SUGCT: variants seen among roughly 807,000 people sequenced by gnomAD.
SUGCT encodes the protein succinyl-CoA:glutarate CoA-transferase.
In SUGCT, 41 loss-of-function variants were observed where a neutral mutation model predicts 55.0. The ratio of observed to expected loss-of-function variants is 0.74; its 90% CI spans 0.58 to 0.97. The LOEUF is 0.97. Among genes scored for constraint, SUGCT ranks in the 50% least tolerant of loss-of-function variants. The pLI is 0.00. For synonymous variants in SUGCT, 187 were observed against 200.4 expected, an observed-to-expected ratio of 0.93 and a Z score of 0.56; for missense variants, 568 against 547.8, an observed-to-expected ratio of 1.04 and a Z score of -0.37.
chr7:40,784,087 A>G (rs1297034555), intron 13 of SUGCT, among the ~76,000 whole-genome samples: 3 of 152,120 alleles, frequency 2.0e-5, no homozygotes, highest in African/African-American at 7.2e-5. Flanking sequence ...GGATCTTTCT[A>G]TCCCTGAGTA....
At chr7:40,641,722 C>T (rs1800277692) in intron 12 of SUGCT, among the ~76,000 whole-genome samples, 1 of 152,170 alleles carries the variant, frequency 6.6e-6, no homozygotes, top group Non-Finnish European at 1.5e-5. Flanking sequence ...TAAAGGTTTC[C>T]CCTTTATCAT....
the SUGCT span, among the ~76,000 whole-genome samples, chr7:41,037,499 C>T: frequency 4.1e-5 from 6 of 147,816 alleles, no homozygotes; most frequent in African/African-American, 1.5e-4. Context: ...TCCATGTGCT[C>T]AGCCTTTTTT....
chr7:40,475,085 A>G lies in SUGCT; in HGVS notation c.986+15887A>G, dbSNP rs556233800. 2.0e-3 allele frequency among the ~76,000 whole-genome samples: 311 copies of G among 152,316 alleles called. 1 individual carries two copies. The highest frequency in any genetic ancestry group is 7.2e-3 in the African/African-American group (299 of 41,586). ...ACTTGCATTGGGTGCCCATTACTAA[A>G]TCACCTTTTAAACAAAACCTTAGCA... is the stretch of plus-strand genomic sequence containing the variant. On this transcript the variant is annotated intron_variant, in intron 11 of 13. Transcript: ENST00000335693.
chr7:40,993,220 T>C, the SUGCT span, among the ~76,000 whole-genome samples: 77 of 152,268 alleles, frequency 5.1e-4, no homozygotes, highest in Middle Eastern at 0.01. Flanking sequence ...ATCACCCTTA[T>C]TTTTATTCCT....
chr7:40,828,877 C>T (rs913372964), intron 13 of SUGCT, among the ~76,000 whole-genome samples: 3 of 152,056 alleles, frequency 2.0e-5, no homozygotes, highest in East Asian at 1.9e-4. Context: ...GAAAAAGAAG[C>T]GGTTTGGACC....
intron 13 of SUGCT, among the ~76,000 whole-genome samples, chr7:40,836,986 C>T (rs527304404): frequency 6.6e-6 from 1 of 152,098 alleles, no homozygotes; most frequent in African/African-American, 2.4e-5. Flanking sequence ...ATAGTCAATG[C>T]CTGTATATTT....
intron 9 of SUGCT, chr7:40,388,270 C>A (rs572351082): frequency 6.6e-6 from 1 of 152,228 alleles, no homozygotes; most frequent in South Asian, 2.1e-4. Flanking sequence ...TTTAGTGAAG[C>A]AAGCTACTGG....
At chr7:40,266,185 C>CCTT (rs1791562263) in intron 7 of SUGCT, among the ~76,000 whole-genome samples, 1 of 116,824 alleles carries the variant, frequency 8.6e-6, no homozygotes, top group Non-Finnish European at 1.7e-5. Context: ...CTTTCCTTTC[C>CCTT]TTTTTTTTTT....
chr7:40,382,279 AAT>A (rs1384180715), intron 9 of SUGCT, among the ~76,000 whole-genome samples: 1 of 152,064 alleles, frequency 6.6e-6, no homozygotes, highest in African/African-American at 2.4e-5. Context: ...TCAGGAATAG[AAT>A]TTTATTGCTT....
intron 9 of SUGCT, among the ~76,000 whole-genome samples, chr7:40,443,388 T>C (rs1788626425): frequency 6.6e-6 from 1 of 152,184 alleles, no homozygotes; most frequent in Non-Finnish European, 1.5e-5. Context: ...GCACCTGTTG[T>C]TTCCTAACTT....
the SUGCT span, among the ~76,000 whole-genome samples, chr7:40,999,340 G>A: frequency 4.6e-5 from 7 of 151,966 alleles, no homozygotes; most frequent in African/African-American, 1.7e-4. Flanking sequence ...AAAAAAATCA[G>A]TCTTTCAATT....
intron 12 of SUGCT, among the ~76,000 whole-genome samples, chr7:40,546,050 T>C (rs1214770584): frequency 6.6e-6 from 1 of 152,206 alleles, no homozygotes; most frequent in Admixed American, 6.5e-5. Context: ...AGCCCAGCAC[T>C]CAAATGTCTT....
At chr7:40,265,532 G>C (rs1791510163) in intron 7 of SUGCT, among the ~76,000 whole-genome samples, 2 of 151,672 alleles carry the variant, frequency 1.3e-5, no homozygotes, top group South Asian at 4.1e-4. Context: ...GGCAAGCTCT[G>C]AATGTAGTGG....
At chr7:40,973,608 G>A in the SUGCT span, among the ~76,000 whole-genome samples, 2 of 152,210 alleles carry the variant, frequency 1.3e-5, no homozygotes. Context: ...AGCCTCCCAC[G>A]GGATAGGACG....
At chr7:40,434,793 T>C (rs957076071) in intron 9 of SUGCT, among the ~76,000 whole-genome samples, 6 of 152,184 alleles carry the variant, frequency 3.9e-5, no homozygotes, top group African/African-American at 1.4e-4. Context: ...AGGTGCTTGT[T>C]GCCTGCTACC....
chr7:40,588,419 G>A (rs957262440), intron 12 of SUGCT, among the ~76,000 whole-genome samples: 1 of 151,926 alleles, frequency 6.6e-6, no homozygotes, highest in African/African-American at 2.4e-5. Flanking sequence ...TAATTTTTAG[G>A]CAGAGAGGAC....
At chr7:40,627,412 G>C (rs993769634) in intron 12 of SUGCT, among the ~76,000 whole-genome samples, 6 of 152,130 alleles carry the variant, frequency 3.9e-5, no homozygotes, top group African/African-American at 1.4e-4. Flanking sequence ...ATTGGTTGTG[G>C]AAAGCAACCA....
intron 8 of SUGCT, among the ~76,000 whole-genome samples, 186 bp downstream of exon 8, chr7:40,274,842 C>T (rs906361494): frequency 5.3e-5 from 8 of 152,154 alleles, no homozygotes; most frequent in South Asian, 2.1e-4. Flanking sequence ...GCTCTTGTTG[C>T]CCAGGCTGGA....
chr7:40,444,468 T>G (rs188480342), intron 9 of SUGCT, among the ~76,000 whole-genome samples: 1 of 152,308 alleles, frequency 6.6e-6, no homozygotes, highest in East Asian at 1.9e-4. Context: ...CCTAGGCATT[T>G]TATTCTCTTT....
Sources: allele counts gnomAD v4.1 joint callset (sites outside exome capture counted in the v4.1 genomes callset), GRCh38; gene constraint gnomAD v4.1.1; transcripts MANE v1.5; gene names NCBI Gene and HGNC (gene_info 2026-07-23, HGNC 2026-07-21).